The following WDHD1 variants were observed in gnomAD, a reference collection of about 807,000 sequenced individuals.
WDHD1 encodes the protein WD repeat and HMG-box DNA binding protein 1, also known as WD repeat and HMG-box DNA-binding protein 1.
Under a neutral mutation model 135.4 loss-of-function variants are expected in WDHD1, and 111 were observed. The ratio of observed to expected loss-of-function variants is 0.82; its 90% CI spans 0.70 to 0.96. WDHD1 has a LOEUF of 0.96. Ranked by LOEUF, WDHD1 falls within the 40% of genes least tolerant of loss-of-function variation. The pLI is 0.00. For missense variants in WDHD1, 1,351 were observed against 1,336.3 expected, an observed-to-expected ratio of 1.01 and a Z score of -0.17; for synonymous variants, 434 against 439.0, an observed-to-expected ratio of 0.99 and a Z score of 0.14.
intron 16 of WDHD1, among the ~76,000 whole-genome samples, chr14:54,971,879 G>A (rs775277440): frequency 6.6e-6 from 1 of 152,052 alleles, no homozygotes; most frequent in African/African-American, 2.4e-5. Flanking sequence ...GACATGAACA[G>A]ACACTTTTCA....
At chr14:54,986,616 G>C (rs533246416) in intron 14 of WDHD1, among the ~76,000 whole-genome samples, 1 of 152,192 alleles carries the variant, frequency 6.6e-6, no homozygotes, top group African/African-American at 2.4e-5. Flanking sequence ...TAAAAAGGGA[G>C]CTGCCAGTGA....
chr14:54,950,442 G>C (rs1349841723), intron 24 of WDHD1, among the ~76,000 whole-genome samples: 1 of 152,038 alleles, frequency 6.6e-6, no homozygotes, highest in Non-Finnish European at 1.5e-5. Context: ...TCAACAAGAA[G>C]AGCTAACTAT....
intron 18 of WDHD1, among the ~76,000 whole-genome samples, chr14:54,963,682 C>G (rs923699819): frequency 6.6e-6 from 1 of 151,832 alleles, no homozygotes; most frequent in African/African-American, 2.4e-5. Context: ...CGCCTGTAAT[C>G]CCAGCTACTC....
intron 24 of WDHD1, among the ~76,000 whole-genome samples, chr14:54,945,083 C>T (rs1419051910): frequency 4.6e-5 from 7 of 152,178 alleles, no homozygotes; most frequent in Admixed American, 2.6e-4. Context: ...CCTCACTTAG[C>T]CCTTGTGGCC....
At chr14:54,996,189 CTTTTA>C (rs2041875849) in intron 10 of WDHD1, among the ~76,000 whole-genome samples, 1 of 152,112 alleles carries the variant, frequency 6.6e-6, no homozygotes, top group African/African-American at 2.4e-5. Context: ...CTCTCATTTA[CTTTTA>C]TTTTGAACAA....
At chr14:55,010,098 C>T (rs1330381341) in intron 4 of WDHD1, among the ~76,000 whole-genome samples, 3 of 152,140 alleles carry the variant, frequency 2.0e-5, no homozygotes, top group South Asian at 2.1e-4. Context: ...GGATTACAGG[C>T]GTGAGCCACC....
intron 7 of WDHD1, among the ~76,000 whole-genome samples, chr14:55,004,502 G>A (rs1595113476): frequency 6.6e-6 from 1 of 151,968 alleles, no homozygotes; most frequent in Non-Finnish European, 1.5e-5. Flanking sequence ...ACCTGAGCTA[G>A]AGTGCAGTAT....
intron 2 of WDHD1, among the ~76,000 whole-genome samples, chr14:55,022,406 C>T (rs2042363209): frequency 6.6e-6 from 1 of 152,154 alleles, no homozygotes; most frequent in Non-Finnish European, 1.5e-5. Flanking sequence ...CACTTTCCTT[C>T]CTTACTAATA....
At chr14:54,955,057 A>G (rs1469596738) in intron 24 of WDHD1, among the ~76,000 whole-genome samples, 2 of 152,230 alleles carry the variant, frequency 1.3e-5, no homozygotes, top group Non-Finnish European at 1.5e-5. Context: ...ATGTAGTAAT[A>G]TAAAATAAGC....
chr14:54,941,782 TA>T lies in WDHD1; in HGVS notation c.3190-93del. The T allele has an allele frequency of 3.5e-6, 4 of 1,154,044 alleles. No individual in the cohort carries two copies. In the South Asian group the frequency reaches 6.1e-5, roughly 18 times the overall value. 71.5% of individuals were successfully genotyped at this position (1,154,044 alleles called of 1,614,324 possible). Reference sequence around the variant, plus strand: ...TATTTACTTTTCCAGGTAATATTTTTATATATAAAGCAGAATAATTAGCACT... The same window carrying T: ...TATTTACTTTTCCAGGTAATATTTTTTATATAAAGCAGAATAATTAGCACT... On this transcript the variant is annotated intron_variant, in intron 25 of 25. Transcript: ENST00000360586.
intron 18 of WDHD1, among the ~76,000 whole-genome samples, chr14:54,965,849 G>A (rs761304947): frequency 3.1e-4 from 47 of 151,764 alleles, no homozygotes; most frequent in African/African-American, 9.7e-4. Context: ...CCAGCTACTC[G>A]GAAGGTTGAG....
intron 2 of WDHD1, among the ~76,000 whole-genome samples, chr14:55,017,294 C>G (rs2042276749): frequency 6.6e-6 from 1 of 152,134 alleles, no homozygotes; most frequent in South Asian, 2.1e-4. Context: ...TATCAAATAA[C>G]TACATATTAA....
In WDHD1 at chr14:54,944,469, G is replaced by T. The variant is rs2040887428; in HGVS notation, c.3052C>A (p.Pro1018Thr). The change falls in exon 25 of 26, where the codon CCA (proline) becomes ACA (threonine). Residue 1018 changes from proline to threonine, a missense_variant and splice_region_variant. This residue lies in a region of WDHD1 where 1,330 missense variants were observed against 1,296.1 expected (regional missense o/e 1.03). Transcript: ENST00000360586. ...CPPQNTENQRPKTGFQMWLEE... is the reference protein window; with the variant it reads ...CPPQNTENQRTKTGFQMWLEE... ...AACCACATCTGGAACCCGGTCTTTG[G>T]CCTAAAATCACAATTATGTGAAAAC... 6.3e-7 allele frequency: 1 copy of T among 1,578,750 alleles called. No homozygotes were observed.
chr14:54,949,205 A>C (rs2040993047), intron 24 of WDHD1, among the ~76,000 whole-genome samples: 1 of 152,240 alleles, frequency 6.6e-6, no homozygotes, highest in Non-Finnish European at 1.5e-5. Flanking sequence ...AACCTCTCCG[A>C]GCTAAAGGAG....
chr14:55,013,412 T>C (rs2042206441), intron 3 of WDHD1, 73 bp downstream of exon 3: 1 of 1,025,400 alleles, frequency 9.8e-7, no homozygotes, highest in African/African-American at 1.6e-5. Context: ...TATTCAAAAA[T>C]ATTTTTTCAC....
chr14:54,994,038 G>A lies in WDHD1; in HGVS notation c.1153+1565C>T, dbSNP rs1275160571. ...TGGCATTTTACTTGATAATGTTCAA[G>A]TGTTATTGTAGCATGTAAGTTGTTA... On this transcript the variant is annotated intron_variant, in intron 11 of 25. Transcript: ENST00000360586. Among the ~76,000 whole-genome samples, 9 of 152,218 alleles carry A rather than the reference G, an allele frequency of 5.9e-5. No homozygotes were observed. The East Asian group carries it at 1.7e-3, about 29-fold the overall frequency.
Position 55,002,094 on chromosome 14 carries a change from T to A in WDHD1, c.692A>T (p.Gln231Leu), listed in dbSNP as rs138410771. The stretch of plus-strand genomic sequence containing the variant: ...AAAGTGTCACTTTGTAAAACCTACC[T>A]GAGAGATGAAATTATCTGAAAGATC... Reference protein sequence around the residue: ...QFDLSDNFISQTLNIVTWSPC... With the variant: ...QFDLSDNFISLTLNIVTWSPC... The change falls in exon 8 of 26, where the codon CAG (glutamine) becomes CTG (leucine). Residue 231 changes from glutamine (Q) to leucine (L), a missense_variant and splice_region_variant. By Grantham distance (113) the Gln-to-Leu change is moderately radical. Coordinates refer to ENST00000360586, the MANE Select transcript of WDHD1 (RefSeq NM_007086.4). 4.2e-3 allele frequency: 6,795 copies of A among 1,602,642 alleles called. 19 individuals are homozygous for A. Among genetic ancestry groups the A allele is most frequent in the Non-Finnish European group, 5.3e-3 (6,254 of 1,174,672 alleles).
chr14:54,956,953 C>G, intron 23 of WDHD1, 81 bp downstream of exon 23: 1 of 1,502,648 alleles, frequency 6.7e-7, no homozygotes, highest in Non-Finnish European at 9.0e-7. Context: ...ACCTCCTATC[C>G]TATATCTGAA....
intron 21 of WDHD1, 61 bp downstream of exon 21, chr14:54,962,437 G>A (rs1232270686): frequency 7.8e-7 from 1 of 1,283,328 alleles, no homozygotes; most frequent in Non-Finnish European, 1.1e-6. Flanking sequence ...GCGTAGATGT[G>A]TCACTTTGCA....
Sources: gnomAD v4.1 joint callset for allele counts (sites outside exome capture counted in the v4.1 genomes callset) on GRCh38, gnomAD v4.1.1 for gene constraint, gnomAD v4.1.1 regional missense constraint, MANE v1.5 for transcripts, NCBI Gene and HGNC (gene_info 2026-07-23, HGNC 2026-07-21) for gene names.